GPATCH2L: variants seen among roughly 807,000 people sequenced by gnomAD.
The protein encoded by GPATCH2L is G patch domain-containing protein 2-like.
Under a neutral mutation model 57.4 loss-of-function variants are expected in GPATCH2L, and 31 were observed. That is an observed-to-expected ratio of 0.54 (90% CI 0.41 to 0.73). GPATCH2L has a LOEUF of 0.73. Ranked by LOEUF, GPATCH2L falls within the 30% of genes least tolerant of loss-of-function variation. The pLI, the probability that GPATCH2L is intolerant of heterozygous loss-of-function variation, is 0.00. For synonymous variants in GPATCH2L, 199 were observed against 210.7 expected (o/e 0.94, Z 0.48); for missense variants, 481 against 599.9 (o/e 0.80, Z 2.07).
intron 2 of GPATCH2L, among the ~76,000 whole-genome samples, chr14:76,233,486 A>T (rs2040584227): frequency 6.6e-6 from 1 of 152,176 alleles, no homozygotes; most frequent in South Asian, 2.1e-4. Context: ...ATAAAAGTTG[A>T]TAGAACGGTT....
rs1033085423 is a variant in GPATCH2L, at chr14:76,203,941, G to A, written c.*2090G>A. ...ATTAGTGAAAACCTCCAAAGGTCAG[G>A]TGGCCAAGGTGTTCCCACATTTTTT... On this transcript the variant is annotated 3_prime_UTR_variant, in exon 10 of 10. Coordinates refer to ENST00000261530, the MANE Select transcript of GPATCH2L (RefSeq NM_017926.4). The A allele has an allele frequency of 6.6e-6, 1 of 152,196 alleles. No homozygotes were observed. Among genetic ancestry groups the A allele is most frequent in the African/African-American group, 2.4e-5 (1 of 41,446 alleles). 9.4% of individuals were successfully genotyped at this position (152,196 alleles called of 1,614,324 possible). A position where few individuals can be genotyped will look rare whatever the true frequency, so the allele number is the denominator to read the frequency against.
At position 76,214,164 on chromosome 14, in the gene GPATCH2L, T is replaced by C. The variant is rs923816940; in HGVS notation, c.*12313T>C. The C allele has an allele frequency of 1.3e-5, 2 of 152,204 alleles. No individual in the cohort carries two copies. The highest frequency in any genetic ancestry group is 2.9e-5 in the Non-Finnish European group (2 of 68,034). 9.4% of individuals were successfully genotyped at this position (152,204 alleles called of 1,614,324 possible). On this transcript the variant is annotated 3_prime_UTR_variant, in exon 10 of 10. Coordinates refer to ENST00000261530, the MANE Select transcript of GPATCH2L (RefSeq NM_017926.4). ...TTTATTGATATTATATGATATTAACTGATTTAGAGAGAACTAACATCTTTA... is the reference window on the plus strand; with the variant it reads ...TTTATTGATATTATATGATATTAACCGATTTAGAGAGAACTAACATCTTTA...
chr14:76,231,622 T>TACATACACACAC (rs1555384996), intron 2 of GPATCH2L, among the ~76,000 whole-genome samples: 3 of 147,366 alleles, frequency 2.0e-5, no homozygotes, highest in Admixed American at 1.4e-4. Flanking sequence ...ACTAAACACA[T>TACATACACACAC]ACACACACAC....
chr14:76,169,386 A>T (rs2139643369), intron 3 of GPATCH2L, among the ~76,000 whole-genome samples: 1 of 152,348 alleles, frequency 6.6e-6, no homozygotes, highest in South Asian at 2.1e-4. Flanking sequence ...TAATCCAATT[A>T]AGGGGAAAAC....
chr14:76,217,826 C>T (rs1473152103), downstream of GPATCH2L, among the ~76,000 whole-genome samples: 2 of 152,108 alleles, frequency 1.3e-5, no homozygotes, highest in Non-Finnish European at 2.9e-5. Context: ...TCCATATAGT[C>T]GATTGATTTT....
chr14:76,172,071 A>G (rs1262997196), intron 4 of GPATCH2L, 52 bp downstream of exon 4: 1 of 1,180,718 alleles, frequency 8.5e-7, no homozygotes, highest in Non-Finnish European at 1.2e-6. Context: ...CTCCTTGGGC[A>G]GAGCAATCAC....
At chr14:76,233,512 C>T (rs551944566) in intron 2 of GPATCH2L, among the ~76,000 whole-genome samples, 39 of 152,268 alleles carry the variant, frequency 2.6e-4, no homozygotes, top group Admixed American at 2.0e-3. Flanking sequence ...AATTCCCACA[C>T]GCCCATCATC....
Position 76,173,596 on chromosome 14 carries a change from A to G in GPATCH2L, c.955A>G (p.Arg319Gly). 2 of 1,612,896 alleles carry G rather than the reference A, an allele frequency of 1.2e-6. No individual in the cohort carries two copies. ...RLPGAAARCL[R>G]KGRRRLVGKE... ...ACCTGGAGCTGCAGCTCGATGCCTC[A>G]GAAAGGGGCGAAGAAGGCTGGTTGG... The change falls in exon 5 of 10, where the codon AGA becomes GGA. Residue 319 changes from arginine to glycine, a missense_variant. Transcript: ENST00000261530.
chr14:76,200,509 A>C (rs1946004132), intron 9 of GPATCH2L, among the ~76,000 whole-genome samples: 1 of 152,016 alleles, frequency 6.6e-6, no homozygotes, highest in Admixed American at 6.6e-5. Flanking sequence ...AAAGAGAGAG[A>C]TTTGAGTTGT....
intron 2 of GPATCH2L, among the ~76,000 whole-genome samples, chr14:76,159,155 G>A (rs1025192467): frequency 2.6e-5 from 4 of 152,200 alleles, no homozygotes; most frequent in Non-Finnish European, 5.9e-5. Context: ...GTGGAGTTGA[G>A]AAGGTTGAAC....
intron 2 of GPATCH2L, among the ~76,000 whole-genome samples, chr14:76,163,659 C>T (rs1473519044): frequency 6.6e-6 from 1 of 152,186 alleles, no homozygotes; most frequent in Non-Finnish European, 1.5e-5. Flanking sequence ...TCTAATCTTT[C>T]ATCATTTGCA....
rs1032639879 is a variant in GPATCH2L, at chr14:76,213,958, C to T, written c.*12107C>T. 6.6e-6 allele frequency: 1 copy of T among 152,164 alleles called. No homozygotes were observed. Among genetic ancestry groups the T allele is most frequent in the Non-Finnish European group, 1.5e-5 (1 of 68,022 alleles). 9.4% of individuals were successfully genotyped at this position (152,164 alleles called of 1,614,324 possible). A position where few individuals can be genotyped will look rare whatever the true frequency, so the allele number is the denominator to read the frequency against. On this transcript the variant is annotated 3_prime_UTR_variant, in exon 10 of 10. Coordinates refer to ENST00000261530, the MANE Select transcript of GPATCH2L (RefSeq NM_017926.4). ...CTGGGTTTTCTGTTCCACTGGTCTA[C>T]TTGTGCATGGTACCACACTGTTTTA...
chr14:76,192,848 A>T (rs377550244), intron 8 of GPATCH2L, among the ~76,000 whole-genome samples: 1 of 152,218 alleles, frequency 6.6e-6, no homozygotes, highest in Non-Finnish European at 1.5e-5. Context: ...CTTTCCTGTT[A>T]TAACCAGAGG....
intron 2 of GPATCH2L, among the ~76,000 whole-genome samples, chr14:76,159,283 C>A (rs2038459226): frequency 6.6e-6 from 1 of 152,244 alleles, no homozygotes; most frequent in Non-Finnish European, 1.5e-5. Context: ...CACTTGAATT[C>A]TTGTGGTTCC....
In GPATCH2L at chr14:76,206,250, G is replaced by C. The variant is rs903393133; in HGVS notation, c.*4399G>C. The C allele has an allele frequency of 1.3e-5, 2 of 152,246 alleles. No homozygotes were observed. The highest frequency in any genetic ancestry group is 1.3e-4 in the Admixed American group (2 of 15,290). The allele number at this position is 152,246 out of a possible 1,614,324, so 9.4% of individuals were successfully genotyped here. On this transcript the variant is annotated 3_prime_UTR_variant, in exon 10 of 10. Transcript: ENST00000261530. ...ACAGAGGGAAAGGGTGAGGAAAATG[G>C]TGAGTTCCATCACTCAGAACTAAAT...
chr14:76,218,715 A>G (rs2139859749), downstream of GPATCH2L, among the ~76,000 whole-genome samples: 1 of 151,148 alleles, frequency 6.6e-6, no homozygotes, highest in Admixed American at 6.7e-5. Flanking sequence ...ATTAAAATTT[A>G]TACATCTACA....
At chr14:76,235,168 CAAAA>C (rs34157061) in intron 2 of GPATCH2L, among the ~76,000 whole-genome samples, 3 of 98,746 alleles carry the variant, frequency 3.0e-5, no homozygotes, top group East Asian at 3.0e-4. Flanking sequence ...AACTCTGTCT[CAAAA>C]AAAAAAAAAA....
rs1555382895 is a variant in GPATCH2L at position 76,202,562 on chromosome 14, C to CACACACACACAG, written c.*712_*713insCACACACACAGA. ...ACACACACACACACACACACACACA[C>CACACACACACAG]AGATTGGTATAATGGAGAAGATGGT... On this transcript the variant is annotated 3_prime_UTR_variant, in exon 10 of 10. Transcript: ENST00000261530. The CACACACACACAG allele has an allele frequency of 6.7e-6, 1 of 150,028 alleles. No individual in the cohort carries two copies. Among genetic ancestry groups the CACACACACACAG allele is most frequent in the African/African-American group, 2.5e-5 (1 of 40,142 alleles). 9.3% of individuals were successfully genotyped at this position (150,028 alleles called of 1,614,324 possible). A position where few individuals can be genotyped will look rare whatever the true frequency, so the allele number is the denominator to read the frequency against.
At chr14:76,157,286 A>G (rs2038353157) in intron 2 of GPATCH2L, among the ~76,000 whole-genome samples, 1 of 152,186 alleles carries the variant, frequency 6.6e-6, no homozygotes, top group Admixed American at 6.5e-5. Context: ...CTTTGACTGA[A>G]TGTTGTGTTC....
Sources: gnomAD v4.1 joint callset for allele counts (sites outside exome capture counted in the v4.1 genomes callset) on GRCh38, gnomAD v4.1.1 for gene constraint, MANE v1.5 for transcripts, NCBI Gene and HGNC (gene_info 2026-07-23, HGNC 2026-07-21) for gene names.